The following DMD variants were observed in gnomAD, a reference collection of about 807,000 sequenced individuals.
DMD encodes the protein mutant dystrophin.
Under a neutral mutation model 330.1 loss-of-function variants are expected in DMD, and 63 were observed. That is an observed-to-expected ratio of 0.19 (90% CI 0.16 to 0.24). The LOEUF is 0.24. Among genes scored for constraint, DMD ranks in the 10% least tolerant of loss-of-function variants. DMD has a pLI of 1.00. For synonymous variants in DMD, 1,223 were observed against 959.8 expected, an observed-to-expected ratio of 1.27 and a Z score of -5.07; for missense variants, 3,344 against 2,684.1, an observed-to-expected ratio of 1.25 and a Z score of -5.43.
chrX:31,942,717 T>G (rs1301104014), intron 45 of DMD, among the ~76,000 whole-genome samples: 1 of 112,032 alleles, frequency 8.9e-6, no homozygotes, highest in African/African-American at 3.2e-5. Context: ...CCCCTCATAA[T>G]GTTTCCATCA....
At chrX:32,690,148 T>C (rs1301541579) in intron 9 of DMD, among the ~76,000 whole-genome samples, 1 of 109,185 alleles carries the variant, frequency 9.2e-6, no homozygotes, top group African/African-American at 3.3e-5. Flanking sequence ...ATCTTATGAA[T>C]AGAAAACCCT....
At chrX:33,234,514 C>T (rs1254663496) in intron 1 of DMD, among the ~76,000 whole-genome samples, 1 of 110,888 alleles carries the variant, frequency 9.0e-6, no homozygotes, top group African/African-American at 3.3e-5. Flanking sequence ...GACTTAATAT[C>T]GACAATGCAC....
At chrX:32,855,747 C>T in intron 2 of DMD, among the ~76,000 whole-genome samples, 1 of 111,949 alleles carries the variant, frequency 8.9e-6, no homozygotes, top group Non-Finnish European at 1.9e-5. Context: ...CTCCAAGACA[C>T]TGGTCTAGGC....
At chrX:31,451,572 G>A (rs1180555964) in intron 59 of DMD, among the ~76,000 whole-genome samples, 1 of 110,293 alleles carries the variant, frequency 9.1e-6, no homozygotes, top group South Asian at 3.9e-4. Flanking sequence ...CTGAGCCACC[G>A]TGCCGGGCCT....
chrX:32,450,242 T>C (rs1217981839), intron 26 of DMD, among the ~76,000 whole-genome samples: 1 of 110,700 alleles, frequency 9.0e-6, no homozygotes, highest in Non-Finnish European at 1.9e-5. Context: ...ATGGATAAGG[T>C]CAGCTATAAA....
chrX:33,083,167 G>A (rs1029777627), intron 1 of DMD, among the ~76,000 whole-genome samples: 5 of 111,572 alleles, frequency 4.5e-5, no homozygotes, highest in African/African-American at 1.3e-4. Context: ...GGCGTCTTAC[G>A]ACCCTGCTTG....
chrX:31,149,512 T>C (rs976717677), intron 74 of DMD, among the ~76,000 whole-genome samples: 1 of 112,463 alleles, frequency 8.9e-6, no homozygotes, highest in African/African-American at 3.2e-5. Flanking sequence ...TTGAATTACA[T>C]TGAATTCATA....
chrX:32,278,343 G>A (rs1249138247), intron 43 of DMD, among the ~76,000 whole-genome samples: 2 of 111,125 alleles, frequency 1.8e-5, no homozygotes, highest in African/African-American at 6.5e-5. Flanking sequence ...GAAAAGCTTG[G>A]GACCCGATGG....
chrX:33,119,308 T>C (rs956215347), intron 1 of DMD, among the ~76,000 whole-genome samples: 17 of 112,618 alleles, frequency 1.5e-4, no homozygotes, highest in African/African-American at 5.5e-4. Context: ...AGTATTGTCT[T>C]CTTTCTCCAA....
intron 1 of DMD, among the ~76,000 whole-genome samples, chrX:33,275,505 C>A (rs2148916859): frequency 8.9e-6 from 1 of 112,055 alleles, no homozygotes; most frequent in East Asian, 2.8e-4. Flanking sequence ...AGCGTATGTT[C>A]ATGTATCACT....
At chrX:32,504,775 G>A (rs775485927) in intron 18 of DMD, among the ~76,000 whole-genome samples, 2 of 111,179 alleles carry the variant, frequency 1.8e-5, no homozygotes, top group East Asian at 5.6e-4. Flanking sequence ...AGGGAGTGAG[G>A]GGAAAAGGTC....
intron 41 of DMD, among the ~76,000 whole-genome samples, chrX:32,329,560 T>C (rs756009185): frequency 8.9e-6 from 1 of 112,265 alleles, no homozygotes; most frequent in East Asian, 2.8e-4. Flanking sequence ...CTCGAGTGTA[T>C]CTACGAAGCA....
At chrX:31,747,100 A>G (rs1349011409) in intron 51 of DMD, among the ~76,000 whole-genome samples, 1 of 111,572 alleles carries the variant, frequency 9.0e-6, no homozygotes, top group Non-Finnish European at 1.9e-5. Context: ...GCTGTAAATC[A>G]TTTGTGAAGA....
chrX:31,575,543 G>A lies in DMD; in HGVS notation c.8217+52130C>T, dbSNP rs189858940. Among the ~76,000 whole-genome samples, 39 of 111,941 alleles carry A rather than the reference G, an allele frequency of 3.5e-4. No homozygotes were observed. The East Asian group carries it at 9.5e-3, about 27-fold the overall frequency. The stretch of plus-strand genomic sequence containing the variant: ...CCTGTTTGGAAAGAAGGGCACATCA[G>A]GATTTTGAGTACATATTTTAGAGTT... On this transcript the variant is annotated intron_variant, in intron 55 of 78. Transcript: ENST00000357033.
chrX:31,236,434 G>A (rs2047723482), intron 63 of DMD, among the ~76,000 whole-genome samples: 1 of 112,585 alleles, frequency 8.9e-6, no homozygotes, highest in Non-Finnish European at 1.9e-5. Flanking sequence ...CCTTGCGGTG[G>A]AGAAATGACG....
At chrX:31,450,288 C>T (rs994780872) in intron 59 of DMD, among the ~76,000 whole-genome samples, 1 of 111,643 alleles carries the variant, frequency 9.0e-6, no homozygotes, top group Non-Finnish European at 1.9e-5. Flanking sequence ...TGCAATTACC[C>T]GGGAATTGGC....
At chrX:32,891,802 G>C (rs886504539) in intron 2 of DMD, among the ~76,000 whole-genome samples, 3 of 101,732 alleles carry the variant, frequency 2.9e-5, no homozygotes, top group Admixed American at 1.1e-4. Flanking sequence ...CTCCAAGGCT[G>C]GATGGCATGA....
chrX:32,574,609 G>GT (rs2052811528), intron 13 of DMD, among the ~76,000 whole-genome samples: 1 of 111,441 alleles, frequency 9.0e-6, no homozygotes, highest in African/African-American at 3.3e-5. Context: ...TTTATAGCCT[G>GT]AATTTTCAAC....
chrX:31,702,757 C>T (rs1313562277), intron 52 of DMD, among the ~76,000 whole-genome samples: 1 of 110,871 alleles, frequency 9.0e-6, no homozygotes, highest in African/African-American at 3.3e-5. Flanking sequence ...TTAAACTCCC[C>T]CTAGTGATTC....
Sources: allele counts gnomAD v4.1 joint callset (sites outside exome capture counted in the v4.1 genomes callset), GRCh38; gene constraint gnomAD v4.1.1; transcripts MANE v1.5; gene names NCBI Gene and HGNC (gene_info 2026-07-23, HGNC 2026-07-21).